The following C3orf70 variants were observed in gnomAD, a reference collection of about 807,000 sequenced individuals.
C3orf70 encodes UPF0524 protein C3orf70.
Under a neutral mutation model 20.7 loss-of-function variants are expected in C3orf70, and 15 were observed. That is an observed-to-expected ratio of 0.72 (90% CI 0.48 to 1.11). The LOEUF is 1.11. Ranked by LOEUF, C3orf70 falls within the 50% of genes most tolerant of loss-of-function variation. The pLI, the probability that C3orf70 is intolerant of heterozygous loss-of-function variation, is 0.00. For missense variants in C3orf70, 332 were observed against 317.6 expected, an observed-to-expected ratio of 1.05 and a Z score of -0.34; for synonymous variants, 161 against 125.7, an observed-to-expected ratio of 1.28 and a Z score of -1.88.
rs1014650662 is a variant in C3orf70 at position 185,078,835 on chromosome 3, T to C, written c.*4172A>G. ...TTGTGCTTTTTCTCCTGCCCAGTAG[T>C]ATCTGTACCACTAAACTTAGATCTA... On this transcript the variant is annotated 3_prime_UTR_variant, in exon 2 of 2. Transcript: ENST00000335012. 6.6e-6 allele frequency: 1 copy of C among 152,234 alleles called. No homozygotes were observed. The highest frequency in any genetic ancestry group is 2.4e-5 in the African/African-American group (1 of 41,446). 9.4% of individuals were successfully genotyped at this position (152,234 alleles called of 1,614,324 possible). A position where few individuals can be genotyped will look rare whatever the true frequency, so the allele number is the denominator to read the frequency against.
chr3:185,146,897 AC>A, intron 1 of C3orf70, among the ~76,000 whole-genome samples: 1 of 152,302 alleles, frequency 6.6e-6, no homozygotes, highest in Non-Finnish European at 1.5e-5. Context: ...TGACAGTTGA[AC>A]CCTCTAATCA....
chr3:185,127,522 C>T (rs1716437607), intron 1 of C3orf70, among the ~76,000 whole-genome samples: 1 of 152,036 alleles, frequency 6.6e-6, no homozygotes, highest in South Asian at 2.1e-4. Context: ...TCACTGCAAC[C>T]TCTGCTTCTG....
chr3:185,111,254 T>TA (rs1354297599), intron 1 of C3orf70, among the ~76,000 whole-genome samples: 3 of 151,904 alleles, frequency 2.0e-5, no homozygotes, highest in African/African-American at 7.3e-5. Flanking sequence ...TTCATCAAAA[T>TA]AAAAAATCAT....
At chr3:185,093,652 T>TAGAGA (rs1456600304) in intron 1 of C3orf70, among the ~76,000 whole-genome samples, 1 of 151,918 alleles carries the variant, frequency 6.6e-6, no homozygotes, top group Non-Finnish European at 1.5e-5. Flanking sequence ...GTGTAGAAGT[T>TAGAGA]AGAGAAAAGT....
chr3:185,142,889 A>C (rs897653386), intron 1 of C3orf70, among the ~76,000 whole-genome samples: 2 of 152,218 alleles, frequency 1.3e-5, no homozygotes, highest in African/African-American at 2.4e-5. Flanking sequence ...TTCAGAATAT[A>C]GGACATTCTC....
rs756242736 is a variant in C3orf70 at position 185,083,179 on chromosome 3, G to A, written c.581C>T (p.Ala194Val). The A allele has an allele frequency of 6.2e-6, 10 of 1,614,090 alleles. No individual in the cohort carries two copies. Among genetic ancestry groups the A allele is most frequent in the South Asian group, 5.5e-5 (5 of 91,070 alleles). The change falls in exon 2 of 2, where the codon GCG (alanine) becomes GTG (valine). Residue 194 changes from alanine (A) to valine (V), a missense_variant. Transcript: ENST00000335012. ...CGATTCCACATAGTGAGCCCCAATC[G>A]CATTGATCCCAGAGTCCTCAGAACT... ...PSSSEDSGIN[A>V]IGAHYVESCD...
At chr3:185,149,686 A>C (rs1716950345) in intron 1 of C3orf70, among the ~76,000 whole-genome samples, 1 of 152,226 alleles carries the variant, frequency 6.6e-6, no homozygotes, top group African/African-American at 2.4e-5. Flanking sequence ...AGAGAGAATT[A>C]ATTCCCAGGA....
intron 1 of C3orf70, among the ~76,000 whole-genome samples, chr3:185,142,714 T>A (rs764682002): frequency 3.9e-5 from 6 of 152,184 alleles, no homozygotes; most frequent in Non-Finnish European, 7.3e-5. Context: ...GCAAAAGGCA[T>A]CTTTATAATG....
At chr3:185,138,208 T>C (rs1277707238) in intron 1 of C3orf70, among the ~76,000 whole-genome samples, 2 of 152,156 alleles carry the variant, frequency 1.3e-5, no homozygotes, top group Admixed American at 6.6e-5. Context: ...GATAATAATT[T>C]GAATAGCCCT....
At chr3:185,144,452 T>C (rs1301710257) in intron 1 of C3orf70, among the ~76,000 whole-genome samples, 1 of 152,142 alleles carries the variant, frequency 6.6e-6, no homozygotes, top group Non-Finnish European at 1.5e-5. Context: ...ACTAAGTACT[T>C]TGCTTGCAAT....
chr3:185,143,822 T>C (rs750635064), intron 1 of C3orf70, among the ~76,000 whole-genome samples: 27 of 152,156 alleles, frequency 1.8e-4, no homozygotes, highest in Admixed American at 3.3e-4. Context: ...CTATAATACT[T>C]GAATCCTTTG....
intron 1 of C3orf70, among the ~76,000 whole-genome samples, chr3:185,134,146 G>A (rs1325463566): frequency 7.0e-6 from 1 of 143,042 alleles, no homozygotes; most frequent in East Asian, 1.9e-4. Context: ...GGATTCAAAT[G>A]CAGTAGAAGA....
chr3:185,141,040 T>C (rs547250445), intron 1 of C3orf70, among the ~76,000 whole-genome samples: 44 of 150,746 alleles, frequency 2.9e-4, no homozygotes, highest in African/African-American at 9.7e-4. Context: ...CAAGCGAGGA[T>C]ATGATGAGAA....
intron 1 of C3orf70, among the ~76,000 whole-genome samples, chr3:185,124,280 A>T (rs997765663): frequency 4.6e-5 from 7 of 152,228 alleles, no homozygotes; most frequent in Non-Finnish European, 1.0e-4. Flanking sequence ...ATGAAGAAAA[A>T]GCAAATCTTT....
chr3:185,094,542 A>C (rs796208356), intron 1 of C3orf70, among the ~76,000 whole-genome samples: 1 of 152,210 alleles, frequency 6.6e-6, no homozygotes, highest in African/African-American at 2.4e-5. Flanking sequence ...GGGATACAGT[A>C]AGAGCTATTC....
At chr3:185,100,510 C>A (rs1715800621) in intron 1 of C3orf70, among the ~76,000 whole-genome samples, 1 of 152,040 alleles carries the variant, frequency 6.6e-6, no homozygotes, top group Non-Finnish European at 1.5e-5. Context: ...AACAAAGATA[C>A]AACATACCAG....
intron 1 of C3orf70, among the ~76,000 whole-genome samples, chr3:185,106,452 G>A (rs1715943621): frequency 6.6e-6 from 1 of 152,036 alleles, no homozygotes; most frequent in Non-Finnish European, 1.5e-5. Context: ...AAAAGAATGT[G>A]GAAAAAATCA....
At chr3:185,095,414 T>C (rs1255188444) in intron 1 of C3orf70, among the ~76,000 whole-genome samples, 1 of 152,212 alleles carries the variant, frequency 6.6e-6, no homozygotes, top group Non-Finnish European at 1.5e-5. Context: ...AAACAAGTTA[T>C]TAGCAGCCAT....
At chr3:185,099,305 G>A (rs1023678174) in intron 1 of C3orf70, among the ~76,000 whole-genome samples, 5 of 152,130 alleles carry the variant, frequency 3.3e-5, no homozygotes, top group Non-Finnish European at 5.9e-5. Context: ...AAGAAAAAAT[G>A]TTAAAGGCAG....
Sources: allele counts gnomAD v4.1 joint callset (sites outside exome capture counted in the v4.1 genomes callset), GRCh38; gene constraint gnomAD v4.1.1; transcripts MANE v1.5; gene names NCBI Gene and HGNC (gene_info 2026-07-23, HGNC 2026-07-21).